Variants in SYK observed in about 807,000 individuals in gnomAD.
SYK encodes the protein spleen associated tyrosine kinase.
Under a neutral mutation model 77.8 loss-of-function variants are expected in SYK, and 16 were observed. The ratio of observed to expected loss-of-function variants is 0.21; its 90% CI spans 0.14 to 0.31. The LOEUF (loss-of-function observed/expected upper bound fraction) is 0.31. SYK is among the 10% of genes least tolerant of loss of function. SYK has a pLI of 1.00. For synonymous variants in SYK, 312 were observed against 308.7 expected, an observed-to-expected ratio of 1.01 and a Z score of -0.11; for missense variants, 529 against 814.4, an observed-to-expected ratio of 0.65 and a Z score of 4.26.
At chr9:90,841,333 G>A (rs1170496609) in intron 1 of SYK, among the ~76,000 whole-genome samples, 4 of 148,102 alleles carry the variant, frequency 2.7e-5, no homozygotes, top group African/African-American at 1.0e-4. Context: ...TGTGTTGTGT[G>A]TACTGTGTAT....
chr9:90,865,488 T>C (rs1217734527), intron 6 of SYK, among the ~76,000 whole-genome samples: 3 of 151,990 alleles, frequency 2.0e-5, no homozygotes, highest in Non-Finnish European at 2.9e-5. Context: ...TTGTATTTTT[T>C]AGTAGAGACG....
intron 3 of SYK, among the ~76,000 whole-genome samples, chr9:90,854,285 C>G (rs77066020): frequency 0.026 from 3,901 of 152,240 alleles, 167 homozygotes; most frequent in East Asian, 0.22. Flanking sequence ...TCTGACGGCT[C>G]ACAGCAGGAG....
At position 90,870,914 on chromosome 9, in the gene SYK, G is replaced by C. The variant is rs60906531; in HGVS notation, c.916-3290G>C. ...AGTAAAAATTAAGATCTAGTAAATGGATGTTAGGACACTTGGCAATACTCT... is the reference window on the plus strand; with the variant it reads ...AGTAAAAATTAAGATCTAGTAAATGCATGTTAGGACACTTGGCAATACTCT... On this transcript the variant is annotated intron_variant, in intron 7 of 13. Transcript: ENST00000375754. Among the ~76,000 whole-genome samples the C allele has an allele frequency of 9.3e-3, 1,417 of 152,312 alleles. 22 individuals are homozygous for C. Among genetic ancestry groups the C allele is most frequent in the African/African-American group, 0.031 (1,300 of 41,560 alleles).
At chr9:90,821,203 AC>A (rs1315485547) in intron 1 of SYK, among the ~76,000 whole-genome samples, 1 of 151,850 alleles carries the variant, frequency 6.6e-6, no homozygotes, top group Admixed American at 6.6e-5. Flanking sequence ...CTTCTTCTGA[AC>A]CCTCCAAACT....
chr9:90,871,347 G>A (rs1827719649), intron 7 of SYK, among the ~76,000 whole-genome samples: 1 of 152,192 alleles, frequency 6.6e-6, no homozygotes, highest in Non-Finnish European at 1.5e-5. Flanking sequence ...TATTGATTGG[G>A]ACAGAATGGC....
At chr9:90,816,642 C>G (rs1425467118) in intron 1 of SYK, among the ~76,000 whole-genome samples, 2 of 152,228 alleles carry the variant, frequency 1.3e-5, no homozygotes, top group Non-Finnish European at 2.9e-5. Context: ...AAATGCTTAT[C>G]ATTAATCCTC....
chr9:90,879,467 A>C (rs1247663568), intron 11 of SYK, among the ~76,000 whole-genome samples: 5 of 152,252 alleles, frequency 3.3e-5, no homozygotes, highest in Admixed American at 6.5e-5. Context: ...TTGGAGCTCC[A>C]GTACTGCAGT....
At chr9:90,860,529 G>A (rs898664371) in intron 3 of SYK, among the ~76,000 whole-genome samples, 6 of 152,104 alleles carry the variant, frequency 3.9e-5, no homozygotes, top group Admixed American at 2.0e-4. Flanking sequence ...CACCTTGGGC[G>A]CTGGCAACTC....
At chr9:90,881,880 G>C (rs770527750) in intron 11 of SYK, among the ~76,000 whole-genome samples, 2 of 152,178 alleles carry the variant, frequency 1.3e-5, no homozygotes, top group South Asian at 2.1e-4. Flanking sequence ...CTCTAGCACG[G>C]GCTGCCACGG....
At chr9:90,838,316 G>A (rs1248896948) in intron 1 of SYK, among the ~76,000 whole-genome samples, 1 of 152,198 alleles carries the variant, frequency 6.6e-6, no homozygotes, top group Non-Finnish European at 1.5e-5. Flanking sequence ...CCTCTGGTGG[G>A]AAGAACAAGA....
chr9:90,832,175 T>C (rs1825921917), intron 1 of SYK, among the ~76,000 whole-genome samples: 1 of 152,210 alleles, frequency 6.6e-6, no homozygotes, highest in Non-Finnish European at 1.5e-5. Flanking sequence ...ATTTGCAAAT[T>C]CAGCTTTCAT....
intron 1 of SYK, among the ~76,000 whole-genome samples, chr9:90,806,252 G>A (rs4501705): frequency 0.092 from 14,043 of 152,010 alleles, 920 homozygotes; most frequent in Admixed American, 0.22. Flanking sequence ...GATATACCAA[G>A]TAATCTCACG....
At chr9:90,883,252 C>T (rs544407455) in intron 11 of SYK, among the ~76,000 whole-genome samples, 54 of 152,236 alleles carry the variant, frequency 3.5e-4, no homozygotes, top group African/African-American at 1.2e-3. Context: ...CCCCCTATAG[C>T]TGCCTGCCTA....
In SYK at chr9:90,840,477, G is replaced by A. The variant is rs73650262; in HGVS notation, c.-41-3381G>A. Among the ~76,000 whole-genome samples the A allele has an allele frequency of 3.6e-3, 547 of 150,468 alleles. 2 individuals carry two copies. The highest frequency in any genetic ancestry group is 0.013 in the African/African-American group (520 of 40,816). The stretch of plus-strand genomic sequence containing the variant: ...GTAGAATGCAGGCGTGAGCCACCGC[G>A]CCCGGCCAAGGCGGGCAGATCATGA... On this transcript the variant is annotated intron_variant, in intron 1 of 13. Transcript: ENST00000375754.
At chr9:90,876,523 A>C (rs1188012113) in intron 9 of SYK, among the ~76,000 whole-genome samples, 1 of 152,242 alleles carries the variant, frequency 6.6e-6, no homozygotes, top group African/African-American at 2.4e-5. Flanking sequence ...TTTGTATATC[A>C]CAGTCATTTT....
At chr9:90,840,573 A>AAAT (rs1826266807) in intron 1 of SYK, among the ~76,000 whole-genome samples, 1 of 151,628 alleles carries the variant, frequency 6.6e-6, no homozygotes, top group Admixed American at 6.6e-5. Context: ...AAAAAAAAAA[A>AAAT]AAACTGTAGA....
chr9:90,888,042 GA>G (rs1828646196), intron 12 of SYK, among the ~76,000 whole-genome samples, 153 bp downstream of exon 12: 1 of 152,160 alleles, frequency 6.6e-6, no homozygotes, highest in African/African-American at 2.4e-5. Flanking sequence ...TCCAAACTGA[GA>G]ATGAAATATC....
intron 3 of SYK, among the ~76,000 whole-genome samples, chr9:90,847,440 C>A (rs1363074196): frequency 6.6e-6 from 1 of 152,198 alleles, no homozygotes; most frequent in Non-Finnish European, 1.5e-5. Context: ...TCTTATTCCA[C>A]TTTATATTGC....
intron 3 of SYK, among the ~76,000 whole-genome samples, chr9:90,858,278 A>C (rs1056589287): frequency 1.3e-5 from 2 of 152,204 alleles, no homozygotes; most frequent in Non-Finnish European, 2.9e-5. Context: ...TACCCTGGGA[A>C]AGTAGACATG....
Sources: gnomAD v4.1 joint callset for allele counts (sites outside exome capture counted in the v4.1 genomes callset) on GRCh38, gnomAD v4.1.1 for gene constraint, MANE v1.5 for transcripts, NCBI Gene and HGNC (gene_info 2026-07-23, HGNC 2026-07-21) for gene names.